NPIPB2: variants seen among roughly 807,000 people sequenced by gnomAD.
NPIPB2 encodes the protein nuclear pore complex interacting protein family member B2.
A neutral mutation model predicts 30.8 loss-of-function variants in NPIPB2; 27 were observed. That is an observed-to-expected ratio of 0.88 (90% CI 0.65 to 1.21). The LOEUF is 1.21. Ranked by LOEUF, NPIPB2 falls within the 50% of genes most tolerant of loss-of-function variation. NPIPB2 has a pLI of 0.00. For missense variants in NPIPB2, 440 were observed against 446.2 expected, an observed-to-expected ratio of 0.99 and a Z score of 0.13; for synonymous variants, 147 against 162.0, an observed-to-expected ratio of 0.91 and a Z score of 0.70.
rs76964215 is a variant in NPIPB2 at position 11,936,030 on chromosome 16, C to T, written c.192+1510G>A. Among the ~76,000 whole-genome samples, 1,128 of 148,592 alleles carry T rather than the reference C, an allele frequency of 7.6e-3. 4 individuals are homozygous for T. Among genetic ancestry groups the T allele is most frequent in the Middle Eastern group, 0.02 (6 of 294 alleles). On this transcript the variant is annotated intron_variant, in intron 2 of 7. Transcript: ENST00000399147. The stretch of plus-strand genomic sequence containing the variant: ...AAATTTAAAAACTTCCCCTGGCTCA[C>T]GTGGTGGCTCACGCTTGTAATCCCA...
chr16:11,949,974 C>T (rs2055048366), intron 1 of NPIPB2, among the ~76,000 whole-genome samples: 1 of 152,160 alleles, frequency 6.6e-6, no homozygotes, highest in Admixed American at 6.6e-5. Context: ...CTCATTTGTC[C>T]TCAAAGAAGA....
At chr16:11,946,257 T>C (rs1408919713), upstream of NPIPB2, among the ~76,000 whole-genome samples, 1 of 151,672 alleles carries the variant, frequency 6.6e-6, no homozygotes, top group Non-Finnish European at 1.5e-5. Context: ...TGGTGGCACA[T>C]GCCTATAATC....
chr16:11,947,235 C>A (rs1596498563), intron 1 of NPIPB2, among the ~76,000 whole-genome samples: 1 of 147,600 alleles, frequency 6.8e-6, no homozygotes, highest in East Asian at 2.0e-4. Context: ...AGGTGTGAGC[C>A]ACCATGCCCA....
chr16:11,970,247 C>T (rs2055227919), intron 1 of NPIPB2, among the ~76,000 whole-genome samples: 1 of 152,148 alleles, frequency 6.6e-6, no homozygotes, highest in Non-Finnish European at 1.5e-5. Flanking sequence ...AAGTCTCACT[C>T]TGTCGCCCAG....
intron 1 of NPIPB2, among the ~76,000 whole-genome samples, chr16:11,962,631 C>CAAAA (rs910336057): frequency 2.2e-4 from 26 of 117,456 alleles, no homozygotes; most frequent in East Asian, 5.0e-4. Flanking sequence ...AAAAAAAAAC[C>CAAAA]AAAAAAAAAG....
chr16:11,935,739 C>T (rs1465271874), intron 2 of NPIPB2, among the ~76,000 whole-genome samples: 1 of 143,056 alleles, frequency 7.0e-6, no homozygotes, highest in Non-Finnish European at 1.5e-5. Flanking sequence ...ATGAAAAGAG[C>T]AACCACGTCA....
At chr16:11,967,921 G>A in intron 1 of NPIPB2, 2 of 1,515,534 alleles carry the variant, frequency 1.3e-6, no homozygotes, top group Non-Finnish European at 1.8e-6. Context: ...GATCTCTTTA[G>A]GATGACTGTA....
In NPIPB2 at chr16:11,967,717, A is replaced by G. The variant is rs760932832; in HGVS notation, c.-584+8851T>C. 1.9e-6 allele frequency: 3 copies of G among 1,614,066 alleles called. No homozygotes were observed. In the African/African-American group the frequency reaches 4.0e-5, roughly 22 times the overall value. Reference sequence around the variant, plus strand: ...AGCAAACCGAAGGTCGACTCTGACCATTGCTTTCCACTCCCAGCTATGGAG... The same window carrying G: ...AGCAAACCGAAGGTCGACTCTGACCGTTGCTTTCCACTCCCAGCTATGGAG... On this transcript the variant is annotated intron_variant, in intron 1 of 5. Transcript: ENST00000538896.
chr16:11,941,631 C>A (rs1356748213), intron 1 of NPIPB2, among the ~76,000 whole-genome samples: 9 of 151,986 alleles, frequency 5.9e-5, no homozygotes, highest in Admixed American at 4.6e-4. Context: ...ATCCACCAAA[C>A]CTTCTTCGGT....
intron 1 of NPIPB2, among the ~76,000 whole-genome samples, chr16:11,962,416 G>C (rs2055159921): frequency 6.6e-6 from 1 of 151,668 alleles, no homozygotes; most frequent in Admixed American, 6.6e-5. Flanking sequence ...AGACCATCCT[G>C]GCTAAGATGG....
At chr16:11,952,512 G>A (rs2055076544) in intron 1 of NPIPB2, among the ~76,000 whole-genome samples, 1 of 151,268 alleles carries the variant, frequency 6.6e-6, no homozygotes, top group South Asian at 2.1e-4. Context: ...AATATTCGAT[G>A]ACTAACCCCT....
intron 1 of NPIPB2, among the ~76,000 whole-genome samples, chr16:11,947,070 T>C (rs1014888565): frequency 7.7e-6 from 1 of 129,168 alleles, no homozygotes; most frequent in Admixed American, 7.5e-5. Flanking sequence ...GGTATATATA[T>C]AAACATATAT....
upstream of NPIPB2, among the ~76,000 whole-genome samples, chr16:11,944,154 A>C (rs1596496730): frequency 6.6e-6 from 1 of 151,784 alleles, no homozygotes; most frequent in South Asian, 2.1e-4. Flanking sequence ...TGCCTGTGAT[A>C]CAGATGATAA....
At chr16:11,934,550 T>A in intron 2 of NPIPB2, among the ~76,000 whole-genome samples, 1 of 79,940 alleles carries the variant, frequency 1.3e-5, no homozygotes, top group Non-Finnish European at 2.4e-5. Flanking sequence ...TGAAACTCTG[T>A]CTCAAAAAAA....
chr16:11,957,143 C>T (rs936925768), intron 1 of NPIPB2, among the ~76,000 whole-genome samples: 1 of 149,624 alleles, frequency 6.7e-6, no homozygotes, highest in African/African-American at 2.5e-5. Flanking sequence ...AGGTATGTGC[C>T]ACCACACCTG....
intron 1 of NPIPB2, chr16:11,941,232 C>T (rs1044795633): frequency 6.6e-7 from 1 of 1,524,896 alleles, no homozygotes; most frequent in African/African-American, 1.4e-5. Context: ...AGAGCATCCA[C>T]AGCACCCGCA....
chr16:11,975,437 G>A lies in NPIPB2; in HGVS notation c.-584+1131C>T, dbSNP rs552063542. Among the ~76,000 whole-genome samples, 204 of 151,958 alleles carry A rather than the reference G, an allele frequency of 1.3e-3. 4 individuals are homozygous for A. Among genetic ancestry groups the A allele is most frequent in the South Asian group, 0.012 (59 of 4,812 alleles). On this transcript the variant is annotated intron_variant, in intron 1 of 5. Coordinates refer to the NPIPB2 transcript ENST00000538896. Reference sequence around the variant, plus strand: ...GCTGGGATTACAGGCGTGAGCCACCGCGCCCGGCCAATCCATCACCTTTTC... The same window carrying A: ...GCTGGGATTACAGGCGTGAGCCACCACGCCCGGCCAATCCATCACCTTTTC...
chr16:11,937,324 G>C (rs2054881235), intron 2 of NPIPB2, among the ~76,000 whole-genome samples: 1 of 152,164 alleles, frequency 6.6e-6, no homozygotes, highest in East Asian at 1.9e-4. Context: ...TTGACCAAAA[G>C]CTCTGTTGAC....
chr16:11,962,998 C>G (rs1008235685), intron 1 of NPIPB2, among the ~76,000 whole-genome samples: 3 of 152,066 alleles, frequency 2.0e-5, no homozygotes, highest in African/African-American at 7.2e-5. Context: ...ACCCGGGAGG[C>G]AGAGGTTGCA....
Sources: gnomAD v4.1 joint callset for allele counts (sites outside exome capture counted in the v4.1 genomes callset) on GRCh38, gnomAD v4.1.1 for gene constraint, MANE v1.5 for transcripts, NCBI Gene and HGNC (gene_info 2026-07-23, HGNC 2026-07-21) for gene names.